The following ALG14 variants were observed in gnomAD, a reference collection of about 807,000 sequenced individuals.
ALG14 encodes ALG14 UDP-N-acetylglucosaminyltransferase subunit.
Under a neutral mutation model 22.8 loss-of-function variants are expected in ALG14, and 17 were observed. The observed-to-expected ratio is 0.75, with a 90% CI of 0.51 to 1.12. The LOEUF (loss-of-function observed/expected upper bound fraction) is 1.12, where lower values mean the gene tolerates loss of function less well. Among genes scored for constraint, ALG14 ranks in the 50% most tolerant of loss-of-function variants. The pLI is 0.00. For missense variants in ALG14, 288 were observed against 271.8 expected, an observed-to-expected ratio of 1.06 and a Z score of -0.42; for synonymous variants, 89 against 103.7, an observed-to-expected ratio of 0.86 and a Z score of 0.86.
intron 2 of ALG14, among the ~76,000 whole-genome samples, chr1:95,030,973 C>G (rs1351213665): frequency 2.0e-5 from 3 of 152,120 alleles, no homozygotes; most frequent in Non-Finnish European, 4.4e-5. Flanking sequence ...GTTTGATGAC[C>G]TCTCTTTTTA....
At position 94,981,576 on chromosome 1, in the gene ALG14, CTATT is replaced by C. The variant is rs1199010384; in HGVS notation, c.*1496_*1499del. ...AAAAATTCAATCACTTCACTAATCACTATTTATTAGATTTATATCATACTTATAA... is the reference window on the plus strand; with the variant it reads ...AAAAATTCAATCACTTCACTAATCACTATTAGATTTATATCATACTTATAA... On this transcript the variant is annotated 3_prime_UTR_variant, in exon 4 of 4. Transcript: ENST00000370205. 6.7e-6 allele frequency: 1 copy of C among 150,226 alleles called. No homozygotes were observed. The highest frequency in any genetic ancestry group is 1.5e-5 in the Non-Finnish European group (1 of 67,758). The allele number at this position is 150,226 out of a possible 1,614,324, so 9.3% of individuals were successfully genotyped here. A position where few individuals can be genotyped will look rare whatever the true frequency, so the allele number is the denominator to read the frequency against.
At chr1:95,070,553 A>G (rs1300323640) in intron 1 of ALG14, among the ~76,000 whole-genome samples, 1 of 152,174 alleles carries the variant, frequency 6.6e-6, no homozygotes, top group African/African-American at 2.4e-5. Flanking sequence ...TCTTCCCCAC[A>G]TGGGGAGCAC....
intron 3 of ALG14, chr1:95,022,466 G>T: frequency 3.0e-6 from 2 of 661,476 alleles, no homozygotes; most frequent in Non-Finnish European, 3.7e-6. Context: ...CATCAGACTT[G>T]CTAAATGCAC....
chr1:94,998,416 T>G (rs986245059), intron 3 of ALG14, among the ~76,000 whole-genome samples: 2 of 152,180 alleles, frequency 1.3e-5, no homozygotes, highest in African/African-American at 4.8e-5. Flanking sequence ...GGGGAAGTGC[T>G]GGCAATGGGA....
At chr1:94,986,467 T>C (rs567424712) in intron 3 of ALG14, among the ~76,000 whole-genome samples, 4 of 151,658 alleles carry the variant, frequency 2.6e-5, no homozygotes, top group African/African-American at 7.3e-5. Flanking sequence ...GACTGACAGC[T>C]TTTTTTTTCT....
At chr1:94,995,430 G>A (rs1382242532) in intron 3 of ALG14, among the ~76,000 whole-genome samples, 1 of 152,062 alleles carries the variant, frequency 6.6e-6, no homozygotes, top group Non-Finnish European at 1.5e-5. Flanking sequence ...GTGGTATTTT[G>A]GGCAAGGCGC....
chr1:95,028,935 A>G (rs1053062499), intron 2 of ALG14, among the ~76,000 whole-genome samples: 2 of 152,244 alleles, frequency 1.3e-5, no homozygotes, highest in Admixed American at 6.5e-5. Flanking sequence ...CAAGAAAGTG[A>G]TATTTTCATA....
chr1:94,976,198 T>A lies in ALG14; in HGVS notation c.*6878A>T, dbSNP rs1672395354. 1 of 151,902 alleles carries A rather than the reference T, an allele frequency of 6.6e-6. No homozygotes were observed. Among genetic ancestry groups the A allele is most frequent in the Non-Finnish European group, 1.5e-5 (1 of 68,006 alleles). The allele number at this position is 151,902 out of a possible 1,614,324, so 9.4% of individuals were successfully genotyped here. ...TCCCTACAACTCTAACGCAGGTACA[T>A]TATGCTTATTTTACAGAAAGGTCAA... On this transcript the variant is annotated 3_prime_UTR_variant, in exon 4 of 4. Transcript: ENST00000370205.
At chr1:95,007,480 C>T (rs916527764) in intron 3 of ALG14, among the ~76,000 whole-genome samples, 3 of 152,182 alleles carry the variant, frequency 2.0e-5, no homozygotes, top group African/African-American at 7.2e-5. Context: ...TGGTATGTAT[C>T]TGGAAAACCT....
At chr1:95,060,722 AAAC>A (rs767086340) in intron 2 of ALG14, among the ~76,000 whole-genome samples, 182 of 152,264 alleles carry the variant, frequency 1.2e-3, no homozygotes, top group Non-Finnish European at 1.7e-3. Context: ...TTTAAAAAAA[AAAC>A]AACAAATAAA....
intron 3 of ALG14, chr1:95,022,394 A>G: frequency 1.0e-6 from 1 of 984,332 alleles, no homozygotes. Flanking sequence ...GTCAGTCACA[A>G]GAAACCAGAT....
At chr1:95,017,441 T>C (rs1276374157) in intron 3 of ALG14, among the ~76,000 whole-genome samples, 2 of 152,078 alleles carry the variant, frequency 1.3e-5, no homozygotes, top group Admixed American at 6.6e-5. Flanking sequence ...ATTCCTGCGG[T>C]ATAATCTGAT....
chr1:95,019,601 A>C (rs1214331167), intron 3 of ALG14, among the ~76,000 whole-genome samples: 1 of 152,218 alleles, frequency 6.6e-6, no homozygotes, highest in Non-Finnish European at 1.5e-5. Context: ...GGCACCACTG[A>C]AGTTGAGAAG....
At chr1:95,010,859 C>T (rs1205288150) in intron 3 of ALG14, among the ~76,000 whole-genome samples, 1 of 152,022 alleles carries the variant, frequency 6.6e-6, no homozygotes, top group Non-Finnish European at 1.5e-5. Context: ...GAATATCATT[C>T]CATATTTAGT....
Position 94,974,767 on chromosome 1 carries a change from G to A in ALG14, c.*8309C>T, listed in dbSNP as rs1011260027. On this transcript the variant is annotated 3_prime_UTR_variant, in exon 4 of 4. Coordinates refer to ENST00000370205, the MANE Select transcript of ALG14 (RefSeq NM_144988.4). ...TGACAAATTATTCCAAAACTTCGTGGTGGAAAACTACTACCATTTAATCAT... is the reference window on the plus strand; with the variant it reads ...TGACAAATTATTCCAAAACTTCGTGATGGAAAACTACTACCATTTAATCAT... The A allele has an allele frequency of 2.0e-5, 3 of 152,182 alleles. No individual in the cohort carries two copies. The highest frequency in any genetic ancestry group is 4.8e-5 in the African/African-American group (2 of 41,440). 9.4% of individuals were successfully genotyped at this position (152,182 alleles called of 1,614,324 possible).
intron 2 of ALG14, among the ~76,000 whole-genome samples, chr1:95,033,648 A>T (rs923348593): frequency 6.6e-6 from 1 of 152,052 alleles, no homozygotes; most frequent in Non-Finnish European, 1.5e-5. Flanking sequence ...AGATATGAAG[A>T]TCTATGAGGT....
At chr1:95,000,553 A>G (rs964530978) in intron 3 of ALG14, among the ~76,000 whole-genome samples, 10 of 150,940 alleles carry the variant, frequency 6.6e-5, no homozygotes, top group African/African-American at 2.2e-4. Context: ...AAAAAAAAAA[A>G]AAAAAAGAAA....
intron 3 of ALG14, among the ~76,000 whole-genome samples, chr1:94,990,508 T>A (rs1483822266): frequency 1.3e-5 from 2 of 152,242 alleles, no homozygotes; most frequent in Admixed American, 1.3e-4. Context: ...ATTCTATTGG[T>A]AACAGAATTT....
intron 3 of ALG14, among the ~76,000 whole-genome samples, chr1:94,997,514 G>T (rs1672939138): frequency 6.6e-6 from 1 of 152,202 alleles, no homozygotes; most frequent in Non-Finnish European, 1.5e-5. Flanking sequence ...TTGAGGCACT[G>T]ATGGTCCAGG....
Sources: gnomAD v4.1 joint callset for allele counts (sites outside exome capture counted in the v4.1 genomes callset) on GRCh38, gnomAD v4.1.1 for gene constraint, MANE v1.5 for transcripts, NCBI Gene and HGNC (gene_info 2026-07-23, HGNC 2026-07-21) for gene names.